The following ABHD3 variants were observed in gnomAD, a reference collection of about 807,000 sequenced individuals.
ABHD3 encodes phospholipase ABHD3.
ABHD3 carries 46 observed loss-of-function variants against 48.8 expected under a neutral mutation model. That is an observed-to-expected ratio of 0.94 (90% CI 0.74 to 1.20). ABHD3 has a LOEUF of 1.20. Ranked by LOEUF, ABHD3 falls within the 50% of genes most tolerant of loss-of-function variation. ABHD3 has a pLI of 0.00. For synonymous variants in ABHD3, 192 were observed against 183.7 expected (o/e 1.04, Z -0.36); for missense variants, 490 against 497.8 (o/e 0.98, Z 0.15).
At chr18:21,677,395 T>G (rs1259010368) in intron 4 of ABHD3, among the ~76,000 whole-genome samples, 1 of 149,194 alleles carries the variant, frequency 6.7e-6, no homozygotes, top group Non-Finnish European at 1.5e-5. Context: ...TTAGTAGAGA[T>G]AGGGTTTCAC....
At chr18:21,654,121 G>C (rs1460174018) in intron 8 of ABHD3, among the ~76,000 whole-genome samples, 1 of 151,882 alleles carries the variant, frequency 6.6e-6, no homozygotes, top group Non-Finnish European at 1.5e-5. Flanking sequence ...CAAACTGCTG[G>C]GATTACAGGC....
intron 6 of ABHD3, 61 bp from the exon 7 acceptor site, chr18:21,657,213 G>T (rs2039377238): frequency 6.7e-7 from 1 of 1,490,566 alleles, no homozygotes; most frequent in African/African-American, 1.4e-5. Flanking sequence ...CATACTAAAA[G>T]GACTTAAAAA....
At chr18:21,669,007 G>A (rs2146297646) in intron 4 of ABHD3, among the ~76,000 whole-genome samples, 1 of 152,206 alleles carries the variant, frequency 6.6e-6, no homozygotes, top group Middle Eastern at 3.4e-3. Context: ...CCAATCGCTT[G>A]AGCCCAGCAG....
Position 21,704,666 on chromosome 18 carries a change from G to T in ABHD3, c.-1C>A. ...GCAGGTCCATGGCCAGGCGCTGCATGGCCCCCGAGCGCGGCGCGCGGGTCC... is the reference window on the plus strand; with the variant it reads ...GCAGGTCCATGGCCAGGCGCTGCATTGCCCCCGAGCGCGGCGCGCGGGTCC... On this transcript the variant is annotated 5_prime_UTR_variant, in exon 1 of 9. Coordinates refer to ENST00000289119, the MANE Select transcript of ABHD3 (RefSeq NM_138340.5). 2.7e-6 allele frequency: 4 copies of T among 1,486,418 alleles called. No individual in the cohort carries two copies. Among genetic ancestry groups the T allele is most frequent in the East Asian group, 2.8e-5 (1 of 36,194 alleles). 92.1% of individuals were successfully genotyped at this position (1,486,418 alleles called of 1,614,324 possible).
chr18:21,702,367 T>C lies in ABHD3; in HGVS notation c.458A>G (p.Lys153Arg). ...LLLPGLTGTS[K>R]ESYILHMIHL... The stretch of plus-strand genomic sequence containing the variant: ...GATCATATGAAGGATATATGACTCC[T>C]TGCTTGTTCCCGTGAGGCCAGGCAA... The change falls in exon 3 of 9, where the codon AAG becomes AGG. Residue 153 changes from lysine (K) to arginine (R), a missense_variant. Transcript: ENST00000289119. 6.2e-7 allele frequency: 1 copy of C among 1,613,964 alleles called. No homozygotes were observed. Among genetic ancestry groups the C allele is most frequent in the Non-Finnish European group, 8.5e-7 (1 of 1,179,910 alleles).
intron 6 of ABHD3, among the ~76,000 whole-genome samples, chr18:21,657,924 C>T (rs1197282177): frequency 4.6e-5 from 7 of 151,788 alleles, no homozygotes; most frequent in Admixed American, 6.6e-5. Flanking sequence ...CTCTGCTGGG[C>T]GGGGGGCTCA....
chr18:21,690,460 G>A (rs998303262), intron 3 of ABHD3, among the ~76,000 whole-genome samples: 1 of 151,512 alleles, frequency 6.6e-6, no homozygotes, highest in African/African-American at 2.4e-5. Flanking sequence ...AAATTAGCCA[G>A]GCGTGGTGGC....
intron 5 of ABHD3, among the ~76,000 whole-genome samples, chr18:21,663,226 C>T (rs935585110): frequency 8.6e-5 from 13 of 151,832 alleles, no homozygotes; most frequent in African/African-American, 3.1e-4. Context: ...TTTTTCACAG[C>T]CACTGGCTAT....
At position 21,686,339 on chromosome 18, in the gene ABHD3, T is replaced by G. The variant is rs999410992; in HGVS notation, c.510-2374A>C. On this transcript the variant is annotated intron_variant, in intron 3 of 8. Coordinates refer to ENST00000289119, the MANE Select transcript of ABHD3 (RefSeq NM_138340.5). ...TAAAGTTAATTATGATCTTGAAACT[T>G]GAAGCTCCCAGTCATTCAGAAAAGA... Among the ~76,000 whole-genome samples the G allele has an allele frequency of 2.6e-5, 4 of 152,188 alleles. No homozygotes were observed. In the South Asian group the frequency reaches 6.2e-4, roughly 24 times the overall value.
chr18:21,675,826 C>CTCAT (rs1355544768), intron 4 of ABHD3, among the ~76,000 whole-genome samples: 3 of 152,174 alleles, frequency 2.0e-5, no homozygotes, highest in Non-Finnish European at 2.9e-5. Flanking sequence ...GACCTGGTAG[C>CTCAT]TCATGCCTGT....
chr18:21,681,547 C>G (rs1568153136), intron 4 of ABHD3, among the ~76,000 whole-genome samples: 1 of 152,158 alleles, frequency 6.6e-6, no homozygotes, highest in Non-Finnish European at 1.5e-5. Context: ...TCCCCTCCAT[C>G]TCTTTCTTTC....
chr18:21,663,830 A>G (rs1023261105), intron 5 of ABHD3: 1 of 1,525,412 alleles, frequency 6.6e-7, no homozygotes. Flanking sequence ...GAAGGTCAAC[A>G]TGGCAGCCGG....
At chr18:21,684,311 C>CTTTTT (rs564516602) in intron 3 of ABHD3, among the ~76,000 whole-genome samples, 101 of 82,804 alleles carry the variant, frequency 1.2e-3, no homozygotes, top group Middle Eastern at 0.011. Context: ...AATGTTTTTG[C>CTTTTT]TTTTTTTTTT....
At chr18:21,684,773 A>T (rs142947630) in intron 3 of ABHD3, among the ~76,000 whole-genome samples, 1 of 152,226 alleles carries the variant, frequency 6.6e-6, no homozygotes, top group African/African-American at 2.4e-5. Context: ...AGGTGTAAAC[A>T]TCACAGGTGA....
At chr18:21,690,084 C>T (rs1057341540) in intron 3 of ABHD3, among the ~76,000 whole-genome samples, 1 of 121,586 alleles carries the variant, frequency 8.2e-6, no homozygotes, top group South Asian at 2.6e-4. Context: ...AACTCAAGGA[C>T]ATTAAGGGTG....
intron 4 of ABHD3, 124 bp downstream of exon 4, chr18:21,683,796 G>C: frequency 1.1e-6 from 1 of 942,214 alleles, no homozygotes; most frequent in Non-Finnish European, 1.5e-6. Flanking sequence ...CTGTATTTTT[G>C]TATAATAAAT....
intron 4 of ABHD3, among the ~76,000 whole-genome samples, chr18:21,666,033 TTTTA>T (rs2039617267): frequency 6.7e-6 from 1 of 149,332 alleles, no homozygotes; most frequent in African/African-American, 2.6e-5. Flanking sequence ...TTTATTTTTA[TTTTA>T]TTTATTTTTT....
At chr18:21,692,359 T>C (rs564879560) in intron 3 of ABHD3, among the ~76,000 whole-genome samples, 3 of 152,290 alleles carry the variant, frequency 2.0e-5, no homozygotes, top group African/African-American at 7.2e-5. Context: ...ATAATATGTA[T>C]CTTGAACTGG....
At chr18:21,701,722 C>T (rs1276189952) in intron 3 of ABHD3, 1 of 152,014 alleles carries the variant, frequency 6.6e-6, no homozygotes, top group East Asian at 1.9e-4. Flanking sequence ...TAATCACTTG[C>T]AAAAAATTAA....
Sources: allele counts gnomAD v4.1 joint callset (sites outside exome capture counted in the v4.1 genomes callset), GRCh38; gene constraint gnomAD v4.1.1; transcripts MANE v1.5; gene names NCBI Gene and HGNC (gene_info 2026-07-23, HGNC 2026-07-21).